The following RHOBTB2 variants were observed in gnomAD, a reference collection of about 807,000 sequenced individuals.
RHOBTB2 encodes Rho related BTB domain containing 2.
Under a neutral mutation model 66.5 loss-of-function variants are expected in RHOBTB2, and 39 were observed. The observed-to-expected ratio is 0.59, with a 90% CI of 0.45 to 0.77. RHOBTB2 has a LOEUF of 0.77. Ranked by LOEUF, RHOBTB2 falls within the 30% of genes least tolerant of loss-of-function variation. The pLI, the probability that RHOBTB2 is intolerant of heterozygous loss-of-function variation, is 0.00. For missense variants in RHOBTB2, 755 were observed against 999.1 expected, an observed-to-expected ratio of 0.76 and a Z score of 3.29; for synonymous variants, 390 against 395.0, an observed-to-expected ratio of 0.99 and a Z score of 0.15.
At chr8:23,014,924 C>T (rs1811248164) in intron 8 of RHOBTB2, 146 bp downstream of exon 8, 1 of 679,894 alleles carries the variant, frequency 1.5e-6, no homozygotes, top group Non-Finnish European at 2.6e-6. Context: ...AGCCCATCTC[C>T]TCCTCCATGC....
chr8:22,981,883 G>A, the RHOBTB2 span, among the ~76,000 whole-genome samples: 1 of 142,872 alleles, frequency 7.0e-6, no homozygotes, highest in Non-Finnish European at 1.5e-5. Flanking sequence ...GCGCCTTGCT[G>A]CTGCAGCCTG....
At chr8:22,951,501 TTA>T in the RHOBTB2 span, among the ~76,000 whole-genome samples, 1 of 152,048 alleles carries the variant, frequency 6.6e-6, no homozygotes, top group Non-Finnish European at 1.5e-5. Flanking sequence ...GGTGGTGGGA[TTA>T]TCATTAGTTC....
At chr8:22,969,787 C>T in the RHOBTB2 span, among the ~76,000 whole-genome samples, 1 of 152,308 alleles carries the variant, frequency 6.6e-6, no homozygotes, top group African/African-American at 2.4e-5. Context: ...GGGTCTCACT[C>T]GTCATCTAGG....
intron 7 of RHOBTB2, among the ~76,000 whole-genome samples, chr8:23,011,759 G>A (rs981908434): frequency 6.6e-6 from 1 of 152,200 alleles, no homozygotes; most frequent in African/African-American, 2.4e-5. Flanking sequence ...CAGCGCTGGT[G>A]TTGATGCCGA....
the RHOBTB2 span, among the ~76,000 whole-genome samples, chr8:22,965,975 A>G: frequency 2.6e-5 from 4 of 152,222 alleles, no homozygotes; most frequent in Non-Finnish European, 5.9e-5. Flanking sequence ...TCAACAGAGT[A>G]AAAAGGCAAC....
intron 1 of RHOBTB2, among the ~76,000 whole-genome samples, chr8:22,991,583 A>G (rs956512589): frequency 9.2e-5 from 14 of 152,186 alleles, no homozygotes; most frequent in African/African-American, 3.4e-4. Flanking sequence ...CCCCTCAGGT[A>G]TCATCCAGGC....
In RHOBTB2 at chr8:23,000,472, TG is replaced by T. The variant is rs769660802; in HGVS notation, c.-11+368del. Among the ~76,000 whole-genome samples the T allele has an allele frequency of 3.9e-5, 6 of 152,130 alleles. 1 individual carries two copies. The South Asian group carries it at 1.2e-3, about 32-fold the overall frequency. Reference sequence around the variant, plus strand: ...ACACAAAACAACAGTGGAATTGGGGTGTTTTGCTGGCGGTTCCGGAGCTGGT... The same window carrying T: ...ACACAAAACAACAGTGGAATTGGGGTTTTTGCTGGCGGTTCCGGAGCTGGT... On this transcript the variant is annotated intron_variant, in intron 1 of 9. Coordinates refer to ENST00000251822, the MANE Select transcript of RHOBTB2 (RefSeq NM_015178.3).
At chr8:22,958,054 C>T in the RHOBTB2 span, among the ~76,000 whole-genome samples, 1 of 152,244 alleles carries the variant, frequency 6.6e-6, no homozygotes, top group Non-Finnish European at 1.5e-5. Context: ...GCTTTTGTTA[C>T]ATCCCAGTCT....
chr8:22,963,489 A>C, the RHOBTB2 span, among the ~76,000 whole-genome samples: 5 of 152,254 alleles, frequency 3.3e-5, no homozygotes, highest in African/African-American at 1.2e-4. Flanking sequence ...TCCCAATACA[A>C]TTTACAAAGC....
Position 22,999,578 on chromosome 8 carries a change from G to A in RHOBTB2, c.-538G>A, listed in dbSNP as rs565311808. 2.4e-4 allele frequency: 290 copies of A among 1,219,612 alleles called. No homozygotes were observed. In the African/African-American group the frequency reaches 4.0e-3, roughly 17 times the overall value. 75.5% of individuals were successfully genotyped at this position (1,219,612 alleles called of 1,614,324 possible). On this transcript the variant is annotated 5_prime_UTR_variant, in exon 1 of 10. Coordinates refer to ENST00000251822, the MANE Select transcript of RHOBTB2 (RefSeq NM_015178.3). The stretch of plus-strand genomic sequence containing the variant: ...CCGTCACGGCTGTCGTCTTGGGTGC[G>A]ATTTTTTTCTCCTCCTTTTTTTACC...
Position 23,007,988 on chromosome 8 carries a change from G to A in RHOBTB2, c.1502-5G>A, listed in dbSNP as rs758728268. 3.7e-6 allele frequency: 6 copies of A among 1,612,386 alleles called. No homozygotes were observed. Among genetic ancestry groups the A allele is most frequent in the Admixed American group, 1.7e-5 (1 of 59,948 alleles). ...CAGTCCTCCTGTGATGCTTCTTCTG[G>A]ACAGATGTGACCTTCATCCTGGATG... On this transcript the variant is annotated splice_polypyrimidine_tract_variant and splice_region_variant and intron_variant, in intron 5 of 9. Transcript: ENST00000251822.
Position 22,999,870 on chromosome 8 carries a change from T to C in RHOBTB2, c.-246T>C, listed in dbSNP as rs1810715436. 1 of 984,952 alleles carries C rather than the reference T, an allele frequency of 1.0e-6. No homozygotes were observed. Among genetic ancestry groups the C allele is most frequent in the South Asian group, 4.7e-5 (1 of 21,290 alleles). 61.0% of individuals were successfully genotyped at this position (984,952 alleles called of 1,614,324 possible). A position where few individuals can be genotyped will look rare whatever the true frequency, so the allele number is the denominator to read the frequency against. ...ATGCTGATCCGGAAGGGGCAGCGGCTGCAGTGCAGCGCGCGCGTCCGCTCC... is the reference window on the plus strand; with the variant it reads ...ATGCTGATCCGGAAGGGGCAGCGGCCGCAGTGCAGCGCGCGCGTCCGCTCC... On this transcript the variant is annotated 5_prime_UTR_variant, in exon 1 of 10. Coordinates refer to ENST00000251822, the MANE Select transcript of RHOBTB2 (RefSeq NM_015178.3).
intron 1 of RHOBTB2, among the ~76,000 whole-genome samples, chr8:22,990,753 A>G (rs895819724): frequency 2.0e-5 from 3 of 152,162 alleles, no homozygotes; most frequent in African/African-American, 4.8e-5. Context: ...TCCAATGGGC[A>G]GTACAGCAGC....
the RHOBTB2 span, among the ~76,000 whole-genome samples, chr8:22,980,598 T>C: frequency 6.6e-6 from 1 of 152,220 alleles, no homozygotes. Context: ...TAAGAATTCA[T>C]TTAATCACCA....
At chr8:22,995,779 C>G (rs998699720), upstream of RHOBTB2, 2 of 1,448,838 alleles carry the variant, frequency 1.4e-6, no homozygotes, top group African/African-American at 2.8e-5. Context: ...GTGCCCCAGC[C>G]TGCACATGGC....
Position 23,006,990 on chromosome 8 carries a change from C to T in RHOBTB2, c.745C>T (p.Pro249Ser), listed in dbSNP as rs368451594. The T allele has an allele frequency of 1.2e-6, 2 of 1,610,362 alleles. No homozygotes were observed. The highest frequency in any genetic ancestry group is 1.7e-6 in the Non-Finnish European group (2 of 1,179,840). ...CCCGATCATCGTGGTGCCCGACCCTCCCTCCAGCAGCGAGGAGTGCCCCGC... is the reference window on the plus strand; with the variant it reads ...CCCGATCATCGTGGTGCCCGACCCTTCCTCCAGCAGCGAGGAGTGCCCCGC... ...PPPIIVVPDP[P>S]SSSEECPAHL... Residue 249 changes from proline to serine, a missense_variant, in exon 5 of 10, where the codon CCC becomes TCC. Pro to Ser is a moderately conservative substitution (Grantham distance 74). Coordinates refer to ENST00000251822, the MANE Select transcript of RHOBTB2 (RefSeq NM_015178.3). This position sits in a 1 kb window ranked among gnomAD's most constrained non-coding sequence, Gnocchi z 6.1.
chr8:22,993,882 CTG>C (rs1810482157), intron 2 of RHOBTB2, among the ~76,000 whole-genome samples: 1 of 152,250 alleles, frequency 6.6e-6, no homozygotes, highest in Non-Finnish European at 1.5e-5. Context: ...GGTCCCAAGA[CTG>C]TGACTGACCA....
the RHOBTB2 span, among the ~76,000 whole-genome samples, chr8:22,955,917 G>T: frequency 6.6e-6 from 1 of 152,102 alleles, no homozygotes; most frequent in East Asian, 1.9e-4. Context: ...TAGAGGATAT[G>T]GAAGGATGCC....
exon 2 of RHOBTB2, chr8:22,992,078 T>C (rs1265239976): frequency 6.6e-6 from 1 of 152,228 alleles, no homozygotes; most frequent in Non-Finnish European, 1.5e-5. Context: ...TAAACAAGAA[T>C]ATGCACGCGC....
Sources: gnomAD v4.1 joint callset for allele counts (sites outside exome capture counted in the v4.1 genomes callset) on GRCh38, gnomAD v4.1.1 for gene constraint, Gnocchi (gnomAD v3.1) non-coding constraint, MANE v1.5 for transcripts, NCBI Gene and HGNC (gene_info 2026-07-23, HGNC 2026-07-21) for gene names.